DIP2C: variants seen among roughly 807,000 people sequenced by gnomAD.
The protein encoded by DIP2C is disco-interacting protein 2 homolog C.
Under a neutral mutation model 192.4 loss-of-function variants are expected in DIP2C, and 33 were observed. The observed-to-expected ratio is 0.17, with a 90% CI of 0.13 to 0.23. The LOEUF is 0.23. DIP2C is among the 10% of genes least tolerant of loss of function. DIP2C has a pLI of 1.00. For missense variants in DIP2C, 1,537 were observed against 2,110.1 expected, an observed-to-expected ratio of 0.73 and a Z score of 5.32; for synonymous variants, 979 against 864.1, an observed-to-expected ratio of 1.13 and a Z score of -2.33.
intron 1 of DIP2C, among the ~76,000 whole-genome samples, chr10:506,864 T>G (rs1036796799): frequency 6.6e-6 from 1 of 152,192 alleles, no homozygotes; most frequent in Non-Finnish European, 1.5e-5. Flanking sequence ...TGTGAGGTTA[T>G]GGACATGGTC....
rs1386147142 is a variant in DIP2C, at chr10:666,744, T to C, written c.85+22750A>G. 1.3e-5 allele frequency: 2 copies of C among 152,494 alleles called. No individual in the cohort carries two copies. Among genetic ancestry groups the C allele is most frequent in the Non-Finnish European group, 2.9e-5 (2 of 68,338 alleles). The allele number at this position is 152,494 out of a possible 1,614,324, so 9.4% of individuals were successfully genotyped here. A position where few individuals can be genotyped will look rare whatever the true frequency, so the allele number is the denominator to read the frequency against. ...GGGGTCTGGACGTGGGCCTGGGGGCTGGTGGAAGGCACGTGTGTTGAGGCG... is the reference window on the plus strand; with the variant it reads ...GGGGTCTGGACGTGGGCCTGGGGGCCGGTGGAAGGCACGTGTGTTGAGGCG... On this transcript the variant is annotated intron_variant, in intron 1 of 36. Coordinates refer to ENST00000280886, the MANE Select transcript of DIP2C (RefSeq NM_014974.3). The surrounding 1 kb of genome is among the most constrained non-coding windows in gnomAD (Gnocchi z 4.1).
At chr10:285,372 A>T (rs201408898) in intron 34 of DIP2C, among the ~76,000 whole-genome samples, 1 of 152,136 alleles carries the variant, frequency 6.6e-6, no homozygotes, top group East Asian at 1.9e-4. Context: ...GCTGGGAGCC[A>T]TTCAGGAAGG....
intron 18 of DIP2C, among the ~76,000 whole-genome samples, chr10:368,979 G>A (rs746842028): frequency 5.9e-5 from 9 of 152,232 alleles, no homozygotes; most frequent in Non-Finnish European, 8.8e-5. Flanking sequence ...GAGGCACGGC[G>A]GGCCCTGCAG....
intron 1 of DIP2C, among the ~76,000 whole-genome samples, chr10:657,681 G>GCC: frequency 7.8e-6 from 1 of 128,458 alleles, no homozygotes. Flanking sequence ...CGCTGGACCT[G>GCC]ATGCTGGACC....
At chr10:680,219 G>C (rs749132887) in intron 1 of DIP2C, among the ~76,000 whole-genome samples, 1 of 152,166 alleles carries the variant, frequency 6.6e-6, no homozygotes, top group African/African-American at 2.4e-5. Context: ...GACTCAAGCA[G>C]CACAGAAGAA....
intron 1 of DIP2C, among the ~76,000 whole-genome samples, chr10:608,211 G>C (rs1274813779): frequency 1.3e-4 from 2 of 15,538 alleles, no homozygotes; most frequent in African/African-American, 9.2e-4. Flanking sequence ...CACACACACA[G>C]CCCCCCCACA....
chr10:508,127 C>T (rs1260223073), intron 1 of DIP2C, among the ~76,000 whole-genome samples: 3 of 135,756 alleles, frequency 2.2e-5, no homozygotes, highest in Non-Finnish European at 3.5e-5. Flanking sequence ...TCCTCCCTCA[C>T]GCCACAGAGG....
intron 1 of DIP2C, among the ~76,000 whole-genome samples, chr10:671,816 CGGAGGAAACGCCACAGACGCACGGAA>C (rs1830658404): frequency 1.5e-5 from 2 of 130,020 alleles, no homozygotes; most frequent in Admixed American, 1.6e-4. Flanking sequence ...GACGCACGGA[CGGAGGAAACGCCACAGACGCACGGAA>C]GGAGGAAACA....
chr10:383,715 G>A (rs889609561), intron 16 of DIP2C, among the ~76,000 whole-genome samples: 2 of 152,062 alleles, frequency 1.3e-5, no homozygotes, highest in Admixed American at 6.6e-5. Flanking sequence ...TTTACAGCCG[G>A]GGAAACAGGG....
chr10:331,735 G>T (rs976058341), intron 29 of DIP2C, among the ~76,000 whole-genome samples: 1 of 152,162 alleles, frequency 6.6e-6, no homozygotes, highest in African/African-American at 2.4e-5. Flanking sequence ...CGTGGACACC[G>T]AGGGACGACT....
chr10:369,820 G>A lies in DIP2C; in HGVS notation c.1992-187C>T, dbSNP rs550032771. The stretch of plus-strand genomic sequence containing the variant: ...GTTCTGTTTATGAACAGCTGGCAGC[G>A]AGTCTACTGCTTCCGCCTCTACATT... On this transcript the variant is annotated intron_variant, in intron 17 of 36. Transcript: ENST00000280886. The A allele has an allele frequency of 4.9e-5, 63 of 1,292,682 alleles. 1 individual carries two copies. In the Admixed American group the frequency reaches 9.0e-4, roughly 18 times the overall value. 80.1% of individuals were successfully genotyped at this position (1,292,682 alleles called of 1,614,324 possible).
intron 1 of DIP2C, among the ~76,000 whole-genome samples, chr10:583,484 T>A (rs977790223): frequency 1.9e-4 from 29 of 152,236 alleles, no homozygotes; most frequent in African/African-American, 6.3e-4. Flanking sequence ...GAACTTTCAA[T>A]GTTCAGATTT....
chr10:685,381 G>A (rs1311356854), intron 1 of DIP2C, among the ~76,000 whole-genome samples: 1 of 151,832 alleles, frequency 6.6e-6, no homozygotes, highest in Admixed American at 6.6e-5. Context: ...AGCAGAGCAT[G>A]GAGGATGGAG....
chr10:553,012 T>C (rs1848661651), intron 1 of DIP2C, among the ~76,000 whole-genome samples: 1 of 152,214 alleles, frequency 6.6e-6, no homozygotes, highest in Non-Finnish European at 1.5e-5. Context: ...GTATTTCCTA[T>C]TTTACTGAGG....
At chr10:461,074 T>C (rs1048232822) in intron 3 of DIP2C, among the ~76,000 whole-genome samples, 1 of 152,132 alleles carries the variant, frequency 6.6e-6, no homozygotes, top group African/African-American at 2.4e-5. Flanking sequence ...GACGAAAAAC[T>C]GGTACCAGCC....
At chr10:682,013 G>A (rs1831152329) in intron 1 of DIP2C, among the ~76,000 whole-genome samples, 1 of 152,262 alleles carries the variant, frequency 6.6e-6, no homozygotes, top group Non-Finnish European at 1.5e-5. Context: ...AGTTCCAACT[G>A]CATGGAGTGT....
intron 1 of DIP2C, among the ~76,000 whole-genome samples, chr10:544,682 C>A (rs1286039744): frequency 6.6e-6 from 1 of 152,176 alleles, no homozygotes; most frequent in African/African-American, 2.4e-5. Context: ...TCTAAGATGA[C>A]TAATTCTGTT....
At chr10:405,312 G>C (rs1434743655) in intron 9 of DIP2C, among the ~76,000 whole-genome samples, 1 of 152,190 alleles carries the variant, frequency 6.6e-6, no homozygotes, top group African/African-American at 2.4e-5. Context: ...AATTCTCACT[G>C]ATTTATCACT....
chr10:509,185 T>C (rs973760183), intron 1 of DIP2C, among the ~76,000 whole-genome samples: 35 of 152,120 alleles, frequency 2.3e-4, no homozygotes, highest in African/African-American at 8.2e-4. Flanking sequence ...TGTAATTCCC[T>C]GGTGGCACGC....
Sources: gnomAD v4.1 joint callset for allele counts (sites outside exome capture counted in the v4.1 genomes callset) on GRCh38, gnomAD v4.1.1 for gene constraint, Gnocchi (gnomAD v3.1) non-coding constraint, MANE v1.5 for transcripts, NCBI Gene and HGNC (gene_info 2026-07-23, HGNC 2026-07-21) for gene names.